SORCS1: variants seen among roughly 807,000 people sequenced by gnomAD.
The protein encoded by SORCS1 is VPS10 domain-containing receptor SorCS1.
A neutral mutation model predicts 146.1 loss-of-function variants in SORCS1; 60 were observed. The ratio of observed to expected loss-of-function variants is 0.41; its 90% confidence interval spans 0.33 to 0.51. The LOEUF (loss-of-function observed/expected upper bound fraction) is 0.51, where lower values mean the gene tolerates loss of function less well. SORCS1 is among the 20% of genes least tolerant of loss of function. The pLI is 0.21. For missense variants in SORCS1, 1,352 were observed against 1,487.6 expected (o/e 0.91, Z 1.50); for synonymous variants, 637 against 584.0 (o/e 1.09, Z -1.31).
At chr10:106,753,507 T>C (rs1250433347) in intron 5 of SORCS1, among the ~76,000 whole-genome samples, 1 of 152,056 alleles carries the variant, frequency 6.6e-6, no homozygotes, top group Non-Finnish European at 1.5e-5. Context: ...TGAGAATGAA[T>C]GGTAATGATA....
chr10:106,791,186 G>A (rs1010986259), intron 3 of SORCS1, among the ~76,000 whole-genome samples: 28 of 152,198 alleles, frequency 1.8e-4, no homozygotes, highest in African/African-American at 1.7e-4. Flanking sequence ...CTTTAAAGCC[G>A]CACTTCGAAG....
chr10:106,836,474 CAAAAAAAA>C (rs68181690), intron 2 of SORCS1, among the ~76,000 whole-genome samples: 33 of 77,792 alleles, frequency 4.2e-4, no homozygotes, highest in Middle Eastern at 8.2e-3. Flanking sequence ...GACTCGGTCT[CAAAAAAAA>C]AAAAAAAAAA....
intron 1 of SORCS1, among the ~76,000 whole-genome samples, chr10:107,106,577 T>C (rs1304219166): frequency 6.6e-6 from 1 of 152,214 alleles, no homozygotes; most frequent in African/African-American, 2.4e-5. Flanking sequence ...GGGATGGCTT[T>C]TGTAGAATCA....
At chr10:106,931,129 A>G (rs899820390) in intron 2 of SORCS1, among the ~76,000 whole-genome samples, 1 of 152,224 alleles carries the variant, frequency 6.6e-6, no homozygotes, top group African/African-American at 2.4e-5. Flanking sequence ...GAAGACTCAT[A>G]AAAATCCTTG....
At chr10:106,756,405 G>A (rs1258687352) in intron 5 of SORCS1, among the ~76,000 whole-genome samples, 1 of 152,164 alleles carries the variant, frequency 6.6e-6, no homozygotes. Context: ...CAGAAGTTAT[G>A]TAACTTCCCC....
chr10:106,650,257 G>T (rs559561753), intron 18 of SORCS1, among the ~76,000 whole-genome samples: 2 of 152,306 alleles, frequency 1.3e-5, no homozygotes, highest in East Asian at 3.9e-4. Context: ...TTCAGAGACT[G>T]AAGTGATTTC....
intron 14 of SORCS1, among the ~76,000 whole-genome samples, chr10:106,674,700 AT>A (rs1422717017): frequency 1.3e-5 from 2 of 152,220 alleles, no homozygotes; most frequent in African/African-American, 4.8e-5. Flanking sequence ...GCTTTGTGGC[AT>A]TTTGATGAAA....
At chr10:106,604,670 T>A (rs571941355) in intron 23 of SORCS1, among the ~76,000 whole-genome samples, 1 of 152,202 alleles carries the variant, frequency 6.6e-6, no homozygotes, top group Non-Finnish European at 1.5e-5. Flanking sequence ...ATTGTCCTTG[T>A]TTTTCTCCAT....
At chr10:107,038,434 A>G (rs1430486525) in intron 1 of SORCS1, among the ~76,000 whole-genome samples, 2 of 151,776 alleles carry the variant, frequency 1.3e-5, no homozygotes, top group African/African-American at 4.8e-5. Flanking sequence ...AGATATACCT[A>G]ATGCTAAATG....
At chr10:107,008,825 G>A (rs1957562974) in intron 1 of SORCS1, among the ~76,000 whole-genome samples, 3 of 152,110 alleles carry the variant, frequency 2.0e-5, no homozygotes, top group Admixed American at 6.5e-5. Flanking sequence ...GTGAAACCCC[G>A]TCTCTACTAA....
At chr10:107,116,147 C>T (rs374250171) in intron 1 of SORCS1, among the ~76,000 whole-genome samples, 162 of 152,124 alleles carry the variant, frequency 1.1e-3, no homozygotes, top group African/African-American at 3.6e-3. Flanking sequence ...AAATGAAACG[C>T]TTGTCCACTG....
At chr10:106,718,850 C>T (rs60287502) in intron 6 of SORCS1, among the ~76,000 whole-genome samples, 62 of 146,996 alleles carry the variant, frequency 4.2e-4, no homozygotes, top group African/African-American at 1.7e-3. Flanking sequence ...AGACACAGAC[C>T]GCTGATGGGT....
At chr10:106,923,175 C>G (rs1467614470) in intron 2 of SORCS1, among the ~76,000 whole-genome samples, 1 of 152,222 alleles carries the variant, frequency 6.6e-6, no homozygotes, top group Non-Finnish European at 1.5e-5. Context: ...AGGCGTGAGC[C>G]ACCAGGTCCG....
chr10:106,667,550 T>C (rs1043528290), intron 17 of SORCS1, 139 bp downstream of exon 17: 1 of 585,546 alleles, frequency 1.7e-6, no homozygotes, highest in African/African-American at 1.8e-5. Context: ...TGTGCTTCAT[T>C]GTTAAAATGA....
chr10:106,674,464 C>T (rs1160339998), intron 14 of SORCS1, among the ~76,000 whole-genome samples: 4 of 150,946 alleles, frequency 2.6e-5, no homozygotes. Flanking sequence ...TTCTACTTTC[C>T]ATGTCCAGTT....
intron 1 of SORCS1, among the ~76,000 whole-genome samples, chr10:107,004,175 CAAAAAA>C (rs1190654041): frequency 2.0e-5 from 1 of 49,578 alleles, no homozygotes; most frequent in Non-Finnish European, 3.6e-5. Flanking sequence ...GATCCCATCT[CAAAAAA>C]AAAAAAAAAA....
chr10:106,575,207 T>C lies in SORCS1; in HGVS notation c.*2213A>G, dbSNP rs992217658. The C allele has an allele frequency of 6.6e-6, 1 of 152,542 alleles. No individual in the cohort carries two copies. The highest frequency in any genetic ancestry group is 1.5e-5 in the Non-Finnish European group (1 of 68,034). The allele number at this position is 152,542 out of a possible 1,614,324, so 9.4% of individuals were successfully genotyped here. Reference sequence around the variant, plus strand: ...CCTATGAGATAGGAAGCCTGGCAGGTTGGGGATCAATTGAGTTCTACAAAT... The same window carrying C: ...CCTATGAGATAGGAAGCCTGGCAGGCTGGGGATCAATTGAGTTCTACAAAT... On this transcript the variant is annotated 3_prime_UTR_variant, in exon 26 of 26. Transcript: ENST00000263054.
At chr10:107,002,328 T>G (rs1292355838) in intron 1 of SORCS1, among the ~76,000 whole-genome samples, 1 of 152,216 alleles carries the variant, frequency 6.6e-6, no homozygotes, top group Non-Finnish European at 1.5e-5. Context: ...GTATTGGAAC[T>G]AAAAATAATT....
chr10:106,825,194 G>A (rs1948241308), intron 3 of SORCS1, among the ~76,000 whole-genome samples: 1 of 151,744 alleles, frequency 6.6e-6, no homozygotes, highest in African/African-American at 2.4e-5. Context: ...AAGACACACA[G>A]AGTATATAGA....
Sources: allele counts gnomAD v4.1 joint callset (sites outside exome capture counted in the v4.1 genomes callset), GRCh38; gene constraint gnomAD v4.1.1; transcripts MANE v1.5; gene names NCBI Gene and HGNC (gene_info 2026-07-23, HGNC 2026-07-21).